The following DTNB variants were observed in gnomAD, a reference collection of about 807,000 sequenced individuals.
The protein encoded by DTNB is DTN-B.
DTNB carries 63 observed loss-of-function variants against 90.7 expected under a neutral mutation model. The observed-to-expected ratio is 0.69, with a 90% CI of 0.57 to 0.86. The LOEUF is 0.86. Among genes scored for constraint, DTNB ranks in the 40% least tolerant of loss-of-function variants. The pLI is 0.00. For missense variants in DTNB, 744 were observed against 807.1 expected (o/e 0.92, Z 0.95); for synonymous variants, 277 against 286.7 (o/e 0.97, Z 0.34).
chr2:25,549,048 A>C (rs2083040763), intron 8 of DTNB, among the ~76,000 whole-genome samples: 1 of 152,120 alleles, frequency 6.6e-6, no homozygotes, highest in Non-Finnish European at 1.5e-5. Flanking sequence ...GTTTTGTCTC[A>C]TGTTAATATT....
chr2:25,439,657 G>C (rs915756904), intron 12 of DTNB, among the ~76,000 whole-genome samples: 1 of 152,196 alleles, frequency 6.6e-6, no homozygotes, highest in Admixed American at 6.5e-5. Flanking sequence ...GGAGAGGAAT[G>C]AAAGTAGGGA....
Position 25,630,388 on chromosome 2 carries a change from T to C in DTNB, c.149-2004A>G, listed in dbSNP as rs139177370. On this transcript the variant is annotated intron_variant, in intron 3 of 20. Transcript: ENST00000406818. ...ACCCAGCAATTCCACTCCTACAGAA[T>C]TGAAAACATATGTCTACACAAAATC... 2.6e-3 allele frequency among the ~76,000 whole-genome samples: 400 copies of C among 152,322 alleles called. 1 individual carries two copies. Among genetic ancestry groups the C allele is most frequent in the African/African-American group, 8.8e-3 (367 of 41,574 alleles).
chr2:25,627,347 G>A (rs1297447767), intron 4 of DTNB, among the ~76,000 whole-genome samples: 1 of 152,030 alleles, frequency 6.6e-6, no homozygotes, highest in Admixed American at 6.5e-5. Context: ...GGGGGGTGGA[G>A]GTAGTGGTGA....
At chr2:25,484,145 C>T (rs945958312) in intron 9 of DTNB, among the ~76,000 whole-genome samples, 2 of 152,108 alleles carry the variant, frequency 1.3e-5, no homozygotes, top group African/African-American at 4.8e-5. Flanking sequence ...GGCGAAACCA[C>T]CTAGGTTTGT....
rs866042678 is a variant in DTNB at position 25,403,824 on chromosome 2, G to T, written c.1576-15463C>A. Among the ~76,000 whole-genome samples, 13 of 152,232 alleles carry T rather than the reference G, an allele frequency of 8.5e-5. No homozygotes were observed. The South Asian group carries it at 1.0e-3, about 12-fold the overall frequency. On this transcript the variant is annotated intron_variant, in intron 16 of 20. Transcript: ENST00000406818. ...TTGTTTGTTTGTTTTTTGAGATAGG[G>T]TCTTGCTATGTTGCCAGGGTTGGTC...
intron 16 of DTNB, among the ~76,000 whole-genome samples, chr2:25,407,904 G>A (rs1368983005): frequency 6.6e-6 from 1 of 152,070 alleles, no homozygotes; most frequent in East Asian, 1.9e-4. Flanking sequence ...AAAACCACTT[G>A]TACCCCAAAA....
intron 9 of DTNB, among the ~76,000 whole-genome samples, chr2:25,502,582 A>G (rs562755426): frequency 2.6e-5 from 4 of 152,170 alleles, no homozygotes; most frequent in Admixed American, 2.6e-4. Context: ...TCTCTAAAAA[A>G]GTATAAAAAT....
intron 10 of DTNB, among the ~76,000 whole-genome samples, chr2:25,466,568 T>TC (rs1300511279): frequency 2.0e-5 from 3 of 152,194 alleles, no homozygotes; most frequent in Non-Finnish European, 2.9e-5. Flanking sequence ...GCCGAGTCAC[T>TC]CAGCCAGGCG....
At position 25,383,834 on chromosome 2, in the gene DTNB, ACCTCTGTCTTTC is replaced by A. The variant is rs763542328; in HGVS notation, c.1869_1879+1del. The A allele has an allele frequency of 8.7e-6, 14 of 1,613,986 alleles. No individual in the cohort carries two copies. The highest frequency in any genetic ancestry group is 1.2e-5 in the Non-Finnish European group (14 of 1,179,886). ...CGAGCAGTCCTGCTGAGCTGCCTTT[ACCTCTGTCTTTC>A]CCATTCTGCATCTTCTCTTCTTCTT... On this transcript the variant is annotated splice_donor_variant and coding_sequence_variant, in exon 19 of 21. Coordinates refer to ENST00000406818, the MANE Select transcript of DTNB (RefSeq NM_021907.5). LOFTEE classifies it high-confidence loss of function.
intron 8 of DTNB, among the ~76,000 whole-genome samples, chr2:25,569,030 A>C (rs1041742859): frequency 1.3e-5 from 2 of 152,226 alleles, no homozygotes; most frequent in African/African-American, 4.8e-5. Context: ...CACAAGCCAC[A>C]TTAAGAGAAC....
chr2:25,626,492 A>C (rs1425648509), intron 4 of DTNB, among the ~76,000 whole-genome samples: 2 of 152,214 alleles, frequency 1.3e-5, no homozygotes, highest in Non-Finnish European at 2.9e-5. Context: ...TGCCGGGCAC[A>C]GTGGTACACA....
At chr2:25,570,293 A>G (rs2059643745) in intron 8 of DTNB, among the ~76,000 whole-genome samples, 1 of 151,280 alleles carries the variant, frequency 6.6e-6, no homozygotes, top group Admixed American at 6.6e-5. Context: ...CTGTAGTCCC[A>G]GCTACTCAGG....
intron 9 of DTNB, among the ~76,000 whole-genome samples, chr2:25,506,358 GT>G (rs949969687): frequency 4.7e-5 from 7 of 149,228 alleles, no homozygotes; most frequent in Middle Eastern, 3.4e-3. Context: ...ATACCGAGTT[GT>G]TTTTTTTTTA....
At chr2:25,599,585 C>A (rs1038900203) in intron 5 of DTNB, among the ~76,000 whole-genome samples, 1 of 151,962 alleles carries the variant, frequency 6.6e-6, no homozygotes, top group Non-Finnish European at 1.5e-5. Flanking sequence ...TCGTGATGCA[C>A]GCCTCGGCTT....
chr2:25,536,529 C>T (rs1194919151), intron 8 of DTNB, among the ~76,000 whole-genome samples: 1 of 152,194 alleles, frequency 6.6e-6, no homozygotes, highest in East Asian at 1.9e-4. Context: ...CGGCGAAACC[C>T]CGTCTCCACC....
At chr2:25,460,354 C>T (rs1016432015) in intron 10 of DTNB, among the ~76,000 whole-genome samples, 2 of 152,012 alleles carry the variant, frequency 1.3e-5, no homozygotes, top group African/African-American at 2.4e-5. Context: ...GGTGGATATA[C>T]GAGGTAAGGG....
chr2:25,671,470 A>T (rs1249319988), intron 1 of DTNB, among the ~76,000 whole-genome samples: 5 of 152,262 alleles, frequency 3.3e-5, no homozygotes, highest in Non-Finnish European at 5.9e-5. Flanking sequence ...TGCTGGCTGT[A>T]CAGCCCTGAA....
chr2:25,586,923 C>G (rs2062550667), intron 6 of DTNB, among the ~76,000 whole-genome samples: 1 of 152,202 alleles, frequency 6.6e-6, no homozygotes, highest in Admixed American at 6.5e-5. Flanking sequence ...TCTCACCCAT[C>G]AGATTGGCAA....
At chr2:25,407,085 T>C (rs1322571373) in intron 16 of DTNB, among the ~76,000 whole-genome samples, 1 of 152,166 alleles carries the variant, frequency 6.6e-6, no homozygotes, top group African/African-American at 2.4e-5. Context: ...GCATGGATCC[T>C]TATTATAATA....
Sources: allele counts gnomAD v4.1 joint callset (sites outside exome capture counted in the v4.1 genomes callset), GRCh38; gene constraint gnomAD v4.1.1; transcripts MANE v1.5; gene names NCBI Gene and HGNC (gene_info 2026-07-23, HGNC 2026-07-21).